DST: variants seen among roughly 807,000 people sequenced by gnomAD.
The protein encoded by DST is dystonin.
In DST, 253 loss-of-function variants were observed where a neutral mutation model predicts 875.2. The observed-to-expected ratio is 0.29, with a 90% CI of 0.26 to 0.32. DST has a LOEUF of 0.32. Ranked by LOEUF, DST falls within the 10% of genes least tolerant of loss-of-function variation. The pLI is 1.00. For synonymous variants in DST, 3,124 were observed against 3,197.1 expected (o/e 0.98, Z 0.77); for missense variants, 8,287 against 9,111.6 (o/e 0.91, Z 3.68).
intron 3 of DST, among the ~76,000 whole-genome samples, chr6:56,896,400 C>A (rs548060951): frequency 2.0e-5 from 3 of 152,148 alleles, no homozygotes; most frequent in Admixed American, 1.3e-4. Flanking sequence ...TCCTTATTTT[C>A]TCTTGCCACC....
rs1347070181 is a variant in DST, at chr6:56,628,098, T to A, written c.4539A>T (p.Leu1513Phe). ...TTTCAACCTGCTGGATCCAATCATC[T>A]AAAGGATGGTAAGTGTCTCTGTAGT... Reference protein sequence around the residue: ...LKYYRDTYHPLDDWIQQVETT... With the variant: ...LKYYRDTYHPFDDWIQQVETT... The change falls in exon 33 of 104, where the codon TTA becomes TTT. Residue 1513 changes from leucine (L) to phenylalanine (F), a missense_variant. Around this residue, in one of 10 missense-constraint regions of DST, gnomAD observed 3,138 missense variants for 3,116.6 expected, o/e 1.01. Transcript: ENST00000680361. The A allele has an allele frequency of 2.5e-6, 4 of 1,613,708 alleles. No individual in the cohort carries two copies. Among genetic ancestry groups the A allele is most frequent in the Non-Finnish European group, 3.4e-6 (4 of 1,179,592 alleles).
intron 9 of DST, among the ~76,000 whole-genome samples, chr6:56,698,499 G>C (rs922368016): frequency 6.6e-6 from 1 of 151,982 alleles, no homozygotes. Flanking sequence ...CTAATTTTTT[G>C]TATTTCTTAG....
intron 76 of DST, 31 bp from the exon 77 acceptor site, chr6:56,506,575 G>A (rs1402695599): frequency 1.2e-6 from 2 of 1,606,806 alleles, no homozygotes; most frequent in Non-Finnish European, 1.7e-6. Flanking sequence ...TTCTTTTAGT[G>A]CCATATTTTA....
chr6:56,482,886 A>T lies in DST; in HGVS notation c.21208-9T>A. ...AACTCTTTTTGGAAGGCCTAAGAAG[A>T]CCATATTTTGAAAAATTAATTTTAA... On this transcript the variant is annotated splice_polypyrimidine_tract_variant and intron_variant, in intron 88 of 103. Coordinates refer to ENST00000680361, the MANE Select transcript of DST (RefSeq NM_001374736.1). 1 of 1,476,048 alleles carries T rather than the reference A, an allele frequency of 6.8e-7. No homozygotes were observed. The highest frequency in any genetic ancestry group is 9.0e-7 in the Non-Finnish European group (1 of 1,110,212). The allele number at this position is 1,476,048 out of a possible 1,614,324, so 91.4% of individuals were successfully genotyped here.
At position 56,494,014 on chromosome 6, in the gene DST, C is replaced by T; in HGVS notation, c.20390G>A (p.Arg6797Lys). The stretch of plus-strand genomic sequence containing the variant: ...TATATTAATCAAAGCACATACTTTC[C>T]TTTCATTGAGTTTGGTTTCCACCGA... ...WESVETKLNERKTKLEEALNL... is the reference protein window; with the variant it reads ...WESVETKLNEKKTKLEEALNL... The change falls in exon 83 of 104, where the codon AGG (arginine) becomes AAG (lysine). Residue 6797 changes from arginine to lysine, a missense_variant. Around this residue, in one of 10 missense-constraint regions of DST, gnomAD observed 1,292 missense variants for 1,552.7 expected, o/e 0.83. Coordinates refer to ENST00000680361, the MANE Select transcript of DST (RefSeq NM_001374736.1). 1 of 1,585,604 alleles carries T rather than the reference C, an allele frequency of 6.3e-7. No individual in the cohort carries two copies.
chr6:56,677,443 A>G (rs1381160587), intron 9 of DST, among the ~76,000 whole-genome samples: 1 of 152,026 alleles, frequency 6.6e-6, no homozygotes, highest in Non-Finnish European at 1.5e-5. Context: ...CAGCCTCCCA[A>G]ACAGCTAGGA....
chr6:56,851,316 G>A, intron 4 of DST, 81 bp downstream of exon 4: 2 of 1,326,430 alleles, frequency 1.5e-6, no homozygotes, highest in Non-Finnish European at 1.0e-6. Context: ...ATCAGCTCCC[G>A]CTATGGCCCC....
At chr6:56,941,674 A>T (rs1043917172) in intron 2 of DST, among the ~76,000 whole-genome samples, 9 of 151,942 alleles carry the variant, frequency 5.9e-5, no homozygotes, top group African/African-American at 1.9e-4. Context: ...AGAGACAGGG[A>T]TTTGTCATGT....
intron 72 of DST, among the ~76,000 whole-genome samples, chr6:56,514,450 A>G (rs2096547596): frequency 1.3e-5 from 2 of 152,158 alleles, no homozygotes; most frequent in Non-Finnish European, 2.9e-5. Flanking sequence ...ATTCATTAAA[A>G]AGGTAAACAA....
At chr6:56,584,368 G>A (rs2098097380) in intron 49 of DST, among the ~76,000 whole-genome samples, 1 of 152,124 alleles carries the variant, frequency 6.6e-6, no homozygotes, top group African/African-American at 2.4e-5. Context: ...GTGAATGGGA[G>A]TTCACTCATG....
At chr6:56,634,389 A>G in intron 26 of DST, 73 bp downstream of exon 26, 2 of 1,607,896 alleles carry the variant, frequency 1.2e-6, no homozygotes, top group Non-Finnish European at 1.7e-6. Flanking sequence ...GCCTTGACAA[A>G]GTATTGATTG....
intron 2 of DST, among the ~76,000 whole-genome samples, chr6:56,916,778 TCACACACACACACACACA>T (rs70989742): frequency 1.9e-4 from 17 of 91,354 alleles, no homozygotes; most frequent in Admixed American, 5.5e-4. Context: ...TCTCTCTCTC[TCACACACACACACACACA>T]CACACACACA....
At chr6:56,865,177 A>G (rs1409759278) in intron 3 of DST, among the ~76,000 whole-genome samples, 1 of 152,172 alleles carries the variant, frequency 6.6e-6, no homozygotes, top group African/African-American at 2.4e-5. Flanking sequence ...GAAACAGCCT[A>G]GCCCAATTCA....
chr6:56,584,899 T>C (rs2152663542), intron 49 of DST, among the ~76,000 whole-genome samples: 1 of 152,280 alleles, frequency 6.6e-6, no homozygotes, highest in Admixed American at 6.5e-5. Flanking sequence ...ATTACATTTA[T>C]TGATTTGTGT....
In DST at chr6:56,699,694, A is replaced by G. The variant is rs767522773; in HGVS notation, c.1006T>C (p.Leu336=). The change falls in exon 9 of 104, where the codon TTG becomes CTG. Residue 336 remains leucine (L), a synonymous_variant. Coordinates refer to ENST00000680361, the MANE Select transcript of DST (RefSeq NM_001374736.1). ...ATTGTCCAGATTAATCCCAAAGTCA[A>G]TTTGGGATTTCCATCTGTTATGTCA... ...NDDITDGNPK[L]TLGLIWTIIL... 1.4e-5 allele frequency: 22 copies of G among 1,532,292 alleles called. No homozygotes were observed. Among genetic ancestry groups the G allele is most frequent in the Non-Finnish European group, 3.5e-6 (4 of 1,142,314 alleles). 94.9% of individuals were successfully genotyped at this position (1,532,292 alleles called of 1,614,324 possible).
chr6:56,521,179 T>A (rs1209105483), intron 69 of DST, among the ~76,000 whole-genome samples: 4 of 152,096 alleles, frequency 2.6e-5, no homozygotes, highest in Admixed American at 6.6e-5. Flanking sequence ...CTTCTGTGGA[T>A]TCTTACTTTT....
At chr6:56,520,181 AATAGAAAT>A (rs1388678460) in intron 69 of DST, among the ~76,000 whole-genome samples, 2 of 152,186 alleles carry the variant, frequency 1.3e-5, no homozygotes, top group African/African-American at 4.8e-5. Context: ...ACCACTTAGA[AATAGAAAT>A]GGAAATTACC....
At chr6:56,948,641 G>T (rs920620542) in intron 2 of DST, among the ~76,000 whole-genome samples, 1 of 152,118 alleles carries the variant, frequency 6.6e-6, no homozygotes, top group Admixed American at 6.5e-5. Context: ...CACAGAAGAG[G>T]GGACTACTGT....
intron 43 of DST, chr6:56,602,086 G>A: frequency 3.0e-6 from 1 of 330,830 alleles, no homozygotes; most frequent in South Asian, 2.5e-5. Context: ...TGAGGGATTT[G>A]AAATATGAAT....
Sources: allele counts gnomAD v4.1 joint callset (sites outside exome capture counted in the v4.1 genomes callset), GRCh38; gene constraint gnomAD v4.1.1; regional missense constraint gnomAD v4.1.1; transcripts MANE v1.5; gene names NCBI Gene and HGNC (gene_info 2026-07-23, HGNC 2026-07-21).